Variants in TFCP2L1 observed in about 807,000 individuals in gnomAD.
TFCP2L1 encodes transcription factor CP2 like 1.
Under a neutral mutation model 72.2 loss-of-function variants are expected in TFCP2L1, and 12 were observed. The observed-to-expected ratio is 0.17, with a 90% CI of 0.11 to 0.27. The LOEUF (loss-of-function observed/expected upper bound fraction) is 0.27, where lower values mean the gene tolerates loss of function less well. TFCP2L1 is among the 10% of genes least tolerant of loss of function. TFCP2L1 has a pLI of 1.00. For synonymous variants in TFCP2L1, 260 were observed against 251.0 expected (o/e 1.04, Z -0.34); for missense variants, 488 against 624.6 (o/e 0.78, Z 2.33).
At chr2:121,247,562 A>G (rs767715498) in intron 5 of TFCP2L1, among the ~76,000 whole-genome samples, 13 of 152,056 alleles carry the variant, frequency 8.5e-5, no homozygotes, top group African/African-American at 2.7e-4. Flanking sequence ...AAAAAAAAAA[A>G]AGAGAAAGAA....
Position 121,220,069 on chromosome 2 carries a change from C to T in TFCP2L1, c.*4272G>A, listed in dbSNP as rs1685902555. 2 of 151,868 alleles carry T rather than the reference C, an allele frequency of 1.3e-5. No individual in the cohort carries two copies. The highest frequency in any genetic ancestry group is 4.2e-4 in the South Asian group (2 of 4,780). 9.4% of individuals were successfully genotyped at this position (151,868 alleles called of 1,614,324 possible). ...CTAGGGACTTTCTCCCTCTGCTCCA[C>T]TGACAACAGCCTAAGAGGCTTTTCC... is the stretch of plus-strand genomic sequence containing the variant. On this transcript the variant is annotated 3_prime_UTR_variant, in exon 15 of 15. Transcript: ENST00000263707.
chr2:121,250,346 T>TA (rs1686580100), intron 2 of TFCP2L1, among the ~76,000 whole-genome samples: 6 of 142,024 alleles, frequency 4.2e-5, no homozygotes, highest in Non-Finnish European at 6.0e-5. Context: ...CAGAAGACTG[T>TA]TATATATATA....
At chr2:121,245,532 T>C (rs1686463186) in intron 6 of TFCP2L1, among the ~76,000 whole-genome samples, 1 of 152,184 alleles carries the variant, frequency 6.6e-6, no homozygotes, top group Non-Finnish European at 1.5e-5. Context: ...TCCCTCCCAC[T>C]TGGGGCCCAC....
intron 2 of TFCP2L1, among the ~76,000 whole-genome samples, chr2:121,255,992 C>T (rs556663076): frequency 1.3e-5 from 2 of 152,150 alleles, no homozygotes; most frequent in South Asian, 2.1e-4. Flanking sequence ...CCACCCACCT[C>T]GGCCACCCAA....
rs555771741 is a variant in TFCP2L1, at chr2:121,237,493, C to T, written c.1003+130G>A. 1.8e-4 allele frequency: 195 copies of T among 1,073,438 alleles called. No homozygotes were observed. In the African/African-American group the frequency reaches 2.0e-3, roughly 11 times the overall value. 66.5% of individuals were successfully genotyped at this position (1,073,438 alleles called of 1,614,324 possible). A position where few individuals can be genotyped will look rare whatever the true frequency, so the allele number is the denominator to read the frequency against. On this transcript the variant is annotated intron_variant, in intron 10 of 14. Coordinates refer to ENST00000263707, the MANE Select transcript of TFCP2L1 (RefSeq NM_014553.3). ...GGTTGGGGCACGTGAGCGAGCGAAC[C>T]CACACTATCTCGGGTCTCCCAGCTG... is the stretch of plus-strand genomic sequence containing the variant.
chr2:121,248,925 C>A, intron 4 of TFCP2L1, 57 bp downstream of exon 4: 9 of 1,380,686 alleles, frequency 6.5e-6, no homozygotes, highest in Non-Finnish European at 8.8e-6. Context: ...CAGGAAGAAC[C>A]CAATGTGGCC....
At chr2:121,245,026 T>TCA (rs1258624819) in intron 6 of TFCP2L1, among the ~76,000 whole-genome samples, 1 of 152,192 alleles carries the variant, frequency 6.6e-6, no homozygotes, top group Non-Finnish European at 1.5e-5. Flanking sequence ...TGTGAATATG[T>TCA]CACCTAACAT....
intron 2 of TFCP2L1, among the ~76,000 whole-genome samples, chr2:121,254,734 C>T (rs1686681869): frequency 6.6e-6 from 1 of 151,346 alleles, no homozygotes; most frequent in Non-Finnish European, 1.5e-5. Flanking sequence ...ATCTGCAAGG[C>T]AGAGGTTGAA....
intron 4 of TFCP2L1, 96 bp downstream of exon 4, chr2:121,248,886 G>A (rs1001320120): frequency 1.0e-5 from 10 of 962,230 alleles, no homozygotes; most frequent in African/African-American, 1.7e-5. Context: ...AAGCTAAAAC[G>A]CCTTCTCGGC....
chr2:121,282,965 C>T (rs1241286789), intron 1 of TFCP2L1, among the ~76,000 whole-genome samples: 1 of 152,218 alleles, frequency 6.6e-6, no homozygotes. Context: ...GCAAGGCCGT[C>T]TCGACTTTCC....
At chr2:121,249,799 C>T (rs1007469965) in intron 2 of TFCP2L1, 152 bp from the exon 3 acceptor site, 69 of 730,684 alleles carry the variant, frequency 9.4e-5, no homozygotes, top group Non-Finnish European at 1.1e-4. Flanking sequence ...ACCAGCTCAG[C>T]TCACTCTCTG....
chr2:121,255,608 C>T lies in TFCP2L1; in HGVS notation c.215-5961G>A, dbSNP rs780847473. ...TAAAGATCAAACCTGGTCTGTCTGA[C>T]GCCGAAGGTGGAACACGTGGCCACT... On this transcript the variant is annotated intron_variant, in intron 2 of 14. Transcript: ENST00000263707. Among the ~76,000 whole-genome samples, 6 of 152,206 alleles carry T rather than the reference C, an allele frequency of 3.9e-5. No homozygotes were observed. In the East Asian group the frequency reaches 7.7e-4, roughly 20 times the overall value.
chr2:121,239,934 G>T, intron 7 of TFCP2L1: 2 of 632,378 alleles, frequency 3.2e-6, no homozygotes, highest in East Asian at 1.4e-4. Context: ...AAACATCACA[G>T]TCATGTGATT....
intron 1 of TFCP2L1, among the ~76,000 whole-genome samples, chr2:121,282,317 A>G (rs1305149118): frequency 2.7e-5 from 3 of 113,168 alleles, no homozygotes; most frequent in Non-Finnish European, 5.3e-5. Flanking sequence ...AACTCTCCAC[A>G]TTAAAAAAAA....
At chr2:121,239,978 C>T (rs997899172) in intron 7 of TFCP2L1, 3 of 929,952 alleles carry the variant, frequency 3.2e-6, no homozygotes, top group East Asian at 1.2e-4. Flanking sequence ...ACGAAACCAG[C>T]CAGTTGTTCA....
chr2:121,265,863 ATCT>A (rs1165754549), intron 2 of TFCP2L1, among the ~76,000 whole-genome samples: 1 of 143,820 alleles, frequency 7.0e-6, no homozygotes, highest in Non-Finnish European at 1.5e-5. Flanking sequence ...CCAAGTAGTA[ATCT>A]TTTTTTTTTT....
At chr2:121,277,752 C>A (rs1361342725) in intron 2 of TFCP2L1, among the ~76,000 whole-genome samples, 1 of 151,948 alleles carries the variant, frequency 6.6e-6, no homozygotes, top group Non-Finnish European at 1.5e-5. Flanking sequence ...CATGAGACGG[C>A]TGACAAATAT....
intron 2 of TFCP2L1, among the ~76,000 whole-genome samples, chr2:121,257,552 G>A (rs922194294): frequency 2.6e-5 from 4 of 152,198 alleles, no homozygotes; most frequent in Non-Finnish European, 5.9e-5. Context: ...AAATACACAA[G>A]TGCTCAACTA....
chr2:121,265,736 G>A (rs558654997), intron 2 of TFCP2L1, among the ~76,000 whole-genome samples: 46 of 152,128 alleles, frequency 3.0e-4, no homozygotes, highest in Non-Finnish European at 5.9e-4. Context: ...CGCCTGCCTC[G>A]GCCTCCCAAA....
Sources: gnomAD v4.1 joint callset for allele counts (sites outside exome capture counted in the v4.1 genomes callset) on GRCh38, gnomAD v4.1.1 for gene constraint, MANE v1.5 for transcripts, NCBI Gene and HGNC (gene_info 2026-07-23, HGNC 2026-07-21) for gene names.